RC3H1: variants seen among roughly 807,000 people sequenced by gnomAD.
RC3H1 encodes the protein roquin-1.
Under a neutral mutation model 138.2 loss-of-function variants are expected in RC3H1, and 50 were observed. The ratio of observed to expected loss-of-function variants is 0.36; its 90% CI spans 0.29 to 0.46. The LOEUF is 0.46. RC3H1 is among the 20% of genes least tolerant of loss of function. RC3H1 has a pLI of 1.00. For missense variants in RC3H1, 1,031 were observed against 1,388.1 expected (o/e 0.74, Z 4.09); for synonymous variants, 462 against 489.1 (o/e 0.94, Z 0.73).
intron 1 of RC3H1, among the ~76,000 whole-genome samples, chr1:174,016,923 AC>A (rs148021533): frequency 0.017 from 2,576 of 152,238 alleles, 59 homozygotes; most frequent in African/African-American, 0.06. Context: ...AGCTTACTAA[AC>A]AACTGCCTTT....
chr1:173,991,472 C>T (rs1486772313), intron 2 of RC3H1, among the ~76,000 whole-genome samples: 2 of 152,202 alleles, frequency 1.3e-5, no homozygotes, highest in East Asian at 1.9e-4. Flanking sequence ...ATTTACTTGC[C>T]TAATTGCCCT....
intron 2 of RC3H1, among the ~76,000 whole-genome samples, chr1:173,985,431 T>G (rs1571223631): frequency 6.6e-6 from 1 of 152,356 alleles, no homozygotes; most frequent in East Asian, 1.9e-4. Flanking sequence ...TCTTCTACAT[T>G]TTATGTAGAA....
At chr1:174,007,171 C>T (rs1390558840) in intron 1 of RC3H1, among the ~76,000 whole-genome samples, 3 of 152,082 alleles carry the variant, frequency 2.0e-5, no homozygotes, top group Admixed American at 6.5e-5. Flanking sequence ...AGGCAGATCA[C>T]GAGGTCAGGA....
intron 7 of RC3H1, 73 bp from the exon 8 acceptor site, chr1:173,972,700 A>C (rs1300390551): frequency 1.0e-6 from 1 of 970,436 alleles, no homozygotes; most frequent in Non-Finnish European, 1.7e-6. Context: ...TTAATAAAAG[A>C]GTTACTTGAA....
chr1:173,951,981 C>A lies in RC3H1; in HGVS notation c.2523+5G>T. 1 of 1,601,730 alleles carries A rather than the reference C, an allele frequency of 6.2e-7. No homozygotes were observed. Among genetic ancestry groups the A allele is most frequent in the Admixed American group, 1.7e-5 (1 of 57,350 alleles). ...TATTAATTATTGCTTAGCTATTACA[C>A]ATACCATCATTTCCACACTCCCTGC... On this transcript the variant is annotated splice_donor_5th_base_variant and intron_variant, in intron 14 of 19. Transcript: ENST00000367696.
intron 7 of RC3H1, among the ~76,000 whole-genome samples, chr1:173,977,679 A>T (rs564313017): frequency 6.6e-6 from 1 of 152,180 alleles, no homozygotes; most frequent in Non-Finnish European, 1.5e-5. Context: ...AGAATGAATA[A>T]CCACCATCAG....
chr1:173,988,193 T>C (rs1352685667), intron 2 of RC3H1, among the ~76,000 whole-genome samples: 3 of 152,190 alleles, frequency 2.0e-5, no homozygotes, highest in Non-Finnish European at 4.4e-5. Context: ...TAAAGAACTG[T>C]TTTACTGCCC....
chr1:173,945,376 C>T (rs1659089207), intron 17 of RC3H1, among the ~76,000 whole-genome samples: 1 of 152,168 alleles, frequency 6.6e-6, no homozygotes, highest in South Asian at 2.1e-4. Context: ...TCCATCTGCT[C>T]TGGCCTCCCA....
At chr1:174,018,161 A>G (rs549737399) in intron 1 of RC3H1, among the ~76,000 whole-genome samples, 8 of 152,300 alleles carry the variant, frequency 5.3e-5, no homozygotes, top group African/African-American at 1.9e-4. Context: ...TGGGTGACAG[A>G]CCATGAGTGA....
intron 2 of RC3H1, among the ~76,000 whole-genome samples, chr1:173,990,390 T>C (rs1427772187): frequency 2.0e-5 from 3 of 151,848 alleles, no homozygotes; most frequent in Admixed American, 6.5e-5. Context: ...AATTTTACAT[T>C]TCTTTTGTTA....
intron 2 of RC3H1, among the ~76,000 whole-genome samples, chr1:173,987,333 C>A (rs534398796): frequency 6.6e-6 from 1 of 152,228 alleles, no homozygotes; most frequent in East Asian, 1.9e-4. Flanking sequence ...TTAATTGTAT[C>A]GTGTAGACTC....
rs1658443394 is a variant in RC3H1 at position 173,932,954 on chromosome 1, G to A, written c.*5767C>T. On this transcript the variant is annotated 3_prime_UTR_variant, in exon 20 of 20. Transcript: ENST00000367696. ...GACTCTGAGTGTACAACCTAAAATG[G>A]ATGCCAAAGACTTGTGAGCTCTGTC... is the stretch of plus-strand genomic sequence containing the variant. 6.6e-6 allele frequency: 1 copy of A among 152,006 alleles called. No homozygotes were observed. Among genetic ancestry groups the A allele is most frequent in the Non-Finnish European group, 1.5e-5 (1 of 67,968 alleles). The allele number at this position is 152,006 out of a possible 1,614,324, so 9.4% of individuals were successfully genotyped here.
chr1:173,953,778 C>G (rs1659517780), intron 13 of RC3H1, among the ~76,000 whole-genome samples: 1 of 152,096 alleles, frequency 6.6e-6, no homozygotes. Flanking sequence ...GTGGCTCACG[C>G]CTGCAATCCC....
In RC3H1 at chr1:173,938,001, G is replaced by T. The variant is rs1658676742; in HGVS notation, c.*720C>A. 6.6e-6 allele frequency: 1 copy of T among 152,196 alleles called. No homozygotes were observed. The highest frequency in any genetic ancestry group is 2.1e-4 in the South Asian group (1 of 4,816). The allele number at this position is 152,196 out of a possible 1,614,324, so 9.4% of individuals were successfully genotyped here. A position where few individuals can be genotyped will look rare whatever the true frequency, so the allele number is the denominator to read the frequency against. On this transcript the variant is annotated 3_prime_UTR_variant, in exon 20 of 20. Transcript: ENST00000367696. ...AAATGATCCTTAATATGAAAATGAGGACTTCAAAATTGGTAATTCTATTTG... is the reference window on the plus strand; with the variant it reads ...AAATGATCCTTAATATGAAAATGAGTACTTCAAAATTGGTAATTCTATTTG...
chr1:173,940,587 T>C (rs1272829833), intron 19 of RC3H1, among the ~76,000 whole-genome samples: 2 of 152,142 alleles, frequency 1.3e-5, no homozygotes, highest in African/African-American at 4.8e-5. Context: ...TTCCATTTCC[T>C]AAAGCTAATT....
chr1:174,006,589 T>C (rs1435346226), intron 1 of RC3H1, among the ~76,000 whole-genome samples: 2 of 152,170 alleles, frequency 1.3e-5, no homozygotes, highest in Non-Finnish European at 2.9e-5. Context: ...TGTAACTTTT[T>C]ATTATACTTT....
At chr1:173,981,049 AT>A in intron 5 of RC3H1, 40 bp from the exon 6 acceptor site, 1 of 1,551,234 alleles carries the variant, frequency 6.4e-7, no homozygotes, top group Non-Finnish European at 8.8e-7. Flanking sequence ...AGTCAAAAAA[AT>A]GAGTTTATGC....
At chr1:173,944,082 G>A (rs1261457506) in intron 17 of RC3H1, among the ~76,000 whole-genome samples, 1 of 151,182 alleles carries the variant, frequency 6.6e-6, no homozygotes, top group Non-Finnish European at 1.5e-5. Flanking sequence ...GATCACTTGA[G>A]CCCAGGAGTT....
chr1:174,010,701 C>T (rs959799467), intron 1 of RC3H1, among the ~76,000 whole-genome samples: 1 of 152,144 alleles, frequency 6.6e-6, no homozygotes, highest in African/African-American at 2.4e-5. Context: ...GACCACACAG[C>T]AACGGTTTAA....
Sources: gnomAD v4.1 joint callset for allele counts (sites outside exome capture counted in the v4.1 genomes callset) on GRCh38, gnomAD v4.1.1 for gene constraint, MANE v1.5 for transcripts, NCBI Gene and HGNC (gene_info 2026-07-23, HGNC 2026-07-21) for gene names.